CEP192: variants seen among roughly 807,000 people sequenced by gnomAD.
CEP192 encodes the protein centrosomal protein 192, also known as centrosomal protein of 192 kDa.
Under a neutral mutation model 271.8 loss-of-function variants are expected in CEP192, and 151 were observed. The ratio of observed to expected loss-of-function variants is 0.56; its 90% CI spans 0.49 to 0.64. The LOEUF is 0.64. Among genes scored for constraint, CEP192 ranks in the 30% least tolerant of loss-of-function variants. The pLI is 0.00. For missense variants in CEP192, 2,910 were observed against 3,020.5 expected, an observed-to-expected ratio of 0.96 and a Z score of 0.86; for synonymous variants, 995 against 1,076.5, an observed-to-expected ratio of 0.92 and a Z score of 1.48.
At chr18:13,061,677 G>C (rs1316555211) in intron 21 of CEP192, among the ~76,000 whole-genome samples, 1 of 152,080 alleles carries the variant, frequency 6.6e-6, no homozygotes, top group Non-Finnish European at 1.5e-5. Flanking sequence ...AGTCAGCTCT[G>C]CTCTGCTTGC....
intron 19 of CEP192, among the ~76,000 whole-genome samples, chr18:13,057,257 G>GTTT (rs67570900): frequency 1.4e-5 from 2 of 147,928 alleles, no homozygotes; most frequent in Non-Finnish European, 1.5e-5. Flanking sequence ...TTTTTTGTTT[G>GTTT]TTTTTTTTTT....
Position 13,038,562 on chromosome 18 carries a change from G to A in CEP192, c.1792G>A (p.Gly598Ser). ...TGAAGCTCTTGGTTGCCTTGGTGGT[G>A]GTAACAATGTGAAAAGAGTAAGTAT... ...RSEALGCLGG[G>S]NNVKRPSFGY... Residue 598 changes from glycine to serine, a missense_variant, in exon 13 of 45, where the codon GGT becomes AGT. Gly to Ser is a moderately conservative substitution (Grantham distance 56). Coordinates refer to ENST00000506447, the MANE Select transcript of CEP192 (RefSeq NM_032142.4). 5 of 1,551,356 alleles carry A rather than the reference G, an allele frequency of 3.2e-6. No homozygotes were observed. Among genetic ancestry groups the A allele is most frequent in the Non-Finnish European group, 4.4e-6 (5 of 1,146,766 alleles).
intron 39 of CEP192, chr18:13,104,052 T>C: frequency 3.1e-6 from 1 of 322,144 alleles, no homozygotes; most frequent in East Asian, 8.6e-5. Flanking sequence ...GGATGATATA[T>C]GCCTAGTCTT....
chr18:13,049,407 T>TA lies in CEP192; in HGVS notation c.2618dup (p.Asn873LysfsTer6). 6.2e-7 allele frequency: 1 copy of TA among 1,614,090 alleles called. No individual in the cohort carries two copies. The highest frequency in any genetic ancestry group is 8.5e-7 in the Non-Finnish European group (1 of 1,179,986). On this transcript the variant is annotated frameshift_variant, in exon 16 of 45. Coordinates refer to ENST00000506447, the MANE Select transcript of CEP192 (RefSeq NM_032142.4). LOFTEE classifies it high-confidence loss of function. ...CAAATTCAGTTACAAATAGAGAGAA[T>TA]AACAGTGCAGTAGTTGATGTGAAGA...
intron 30 of CEP192, among the ~76,000 whole-genome samples, chr18:13,083,582 G>A (rs558959315): frequency 1.3e-5 from 2 of 152,312 alleles, no homozygotes; most frequent in Admixed American, 1.3e-4. Context: ...GCTCGGAGAA[G>A]TTTGTTATTA....
At position 13,105,132 on chromosome 18, in the gene CEP192, G is replaced by A. The variant is rs1358069723; in HGVS notation, c.7047+53G>A. 11 of 1,244,174 alleles carry A rather than the reference G, an allele frequency of 8.8e-6. No homozygotes were observed. In the Admixed American group the frequency reaches 1.9e-4, roughly 21 times the overall value. The allele number at this position is 1,244,174 out of a possible 1,614,324, so 77.1% of individuals were successfully genotyped here. A position where few individuals can be genotyped will look rare whatever the true frequency, so the allele number is the denominator to read the frequency against. On this transcript the variant is annotated intron_variant, in intron 40 of 44. Coordinates refer to ENST00000506447, the MANE Select transcript of CEP192 (RefSeq NM_032142.4). ...AACATCATGTAAATTGTCCAGGAGT[G>A]CCTCATTGGATTCCACCCATTTAGC...
At chr18:13,055,630 T>A in intron 18 of CEP192, 150 bp from the exon 19 acceptor site, 1 of 552,936 alleles carries the variant, frequency 1.8e-6, no homozygotes, top group South Asian at 2.8e-5. Context: ...ATTTCACAAC[T>A]GCAAGACTAC....
At chr18:13,100,195 TG>T in intron 37 of CEP192, 109 bp from the exon 38 acceptor site, 1 of 700,722 alleles carries the variant, frequency 1.4e-6, no homozygotes, top group Non-Finnish European at 2.4e-6. Flanking sequence ...AATTTATTGA[TG>T]TTTTGTTTGT....
At chr18:13,113,511 C>A in intron 40 of CEP192, 75 bp from the exon 41 acceptor site, 1 of 1,429,466 alleles carries the variant, frequency 7.0e-7, no homozygotes, top group Non-Finnish European at 9.7e-7. Context: ...CATACCAAAT[C>A]TTTGAACTGG....
At chr18:13,009,216 T>C (rs1366373024) in intron 4 of CEP192, among the ~76,000 whole-genome samples, 1 of 152,154 alleles carries the variant, frequency 6.6e-6, no homozygotes, top group East Asian at 1.9e-4. Flanking sequence ...GTTTGCATTG[T>C]ACCTATTAAT....
intron 44 of CEP192, among the ~76,000 whole-genome samples, chr18:13,123,898 G>C (rs927976313): frequency 6.6e-6 from 1 of 152,186 alleles, no homozygotes; most frequent in Non-Finnish European, 1.5e-5. Flanking sequence ...GGTGGCTCAT[G>C]CCTGTAATCC....
intron 44 of CEP192, among the ~76,000 whole-genome samples, chr18:13,124,282 A>T (rs2040806177): frequency 1.3e-5 from 2 of 152,198 alleles, no homozygotes; most frequent in Non-Finnish European, 2.9e-5. Flanking sequence ...TAAAACGGGC[A>T]TTTAGGGTGT....
chr18:13,122,545 C>T (rs879677424), intron 44 of CEP192, among the ~76,000 whole-genome samples: 2 of 152,018 alleles, frequency 1.3e-5, no homozygotes, highest in Non-Finnish European at 2.9e-5. Context: ...CGTGCCACTG[C>T]ACTCCAGCTT....
At position 13,015,476 on chromosome 18, in the gene CEP192, G is replaced by C. The variant is rs773886947; in HGVS notation, c.640+28G>C. On this transcript the variant is annotated intron_variant, in intron 6 of 44. Transcript: ENST00000506447. ...ACTGCAGAGTAACCTGTGTTTCCCT[G>C]GTCTTCACCTTGCCACTCCACTTTA... is the stretch of plus-strand genomic sequence containing the variant. The C allele has an allele frequency of 1.7e-5, 26 of 1,546,462 alleles. No individual in the cohort carries two copies. In the South Asian group the frequency reaches 3.0e-4, roughly 18 times the overall value.
chr18:13,084,674 T>C (rs1416873797), intron 30 of CEP192, among the ~76,000 whole-genome samples: 2 of 152,160 alleles, frequency 1.3e-5, no homozygotes, highest in Non-Finnish European at 2.9e-5. Flanking sequence ...GGTACCTCAG[T>C]TGCAAATCCA....
chr18:13,004,299 C>T (rs962395646), intron 3 of CEP192, among the ~76,000 whole-genome samples: 3 of 147,674 alleles, frequency 2.0e-5, no homozygotes, highest in Non-Finnish European at 3.0e-5. Flanking sequence ...AGAAGTTTCA[C>T]TTTTTTTTTT....
At chr18:13,032,807 TTA>T (rs1208140500) in intron 11 of CEP192, among the ~76,000 whole-genome samples, 3 of 152,220 alleles carry the variant, frequency 2.0e-5, no homozygotes, top group Non-Finnish European at 4.4e-5. Flanking sequence ...ATAGAATGGA[TTA>T]TGTTTATTCA....
chr18:13,050,579 T>C (rs937288656), intron 17 of CEP192, among the ~76,000 whole-genome samples: 2 of 151,690 alleles, frequency 1.3e-5, no homozygotes. Context: ...TAATTGCTTT[T>C]TTTTTTTTCT....
In CEP192 at chr18:13,087,560, C is replaced by T. The variant is rs1320796515; in HGVS notation, c.5907C>T (p.Asp1969=). 6.5e-7 allele frequency: 1 copy of T among 1,549,648 alleles called. No individual in the cohort carries two copies. The highest frequency in any genetic ancestry group is 1.9e-5 in the Admixed American group (1 of 53,550). The change falls in exon 32 of 45, where the codon GAC becomes GAT. Residue 1969 remains aspartate, a synonymous_variant. Transcript: ENST00000506447. ...TTACTTTAATATATAATCCATCAGA[C>T]AGAGGAATCAATAATAAAACTGCAA... ...ENVTLIYNPS[D]RGINNKTATE... is the part of the protein sequence containing the mutation.
Sources: allele counts gnomAD v4.1 joint callset (sites outside exome capture counted in the v4.1 genomes callset), GRCh38; gene constraint gnomAD v4.1.1; transcripts MANE v1.5; gene names NCBI Gene and HGNC (gene_info 2026-07-23, HGNC 2026-07-21).